The following ITPK1 variants were observed in gnomAD, a reference collection of about 807,000 sequenced individuals.
ITPK1 encodes the protein inositol-tetrakisphosphate 1-kinase, also known as inositol 1,3,4-trisphosphate 5/6-kinase.
ITPK1 carries 21 observed loss-of-function variants against 45.3 expected under a neutral mutation model. That is an observed-to-expected ratio of 0.46 (90% confidence interval 0.33 to 0.67). ITPK1 has a LOEUF of 0.67. Ranked by LOEUF, ITPK1 falls within the 30% of genes least tolerant of loss-of-function variation. The probability of loss-of-function intolerance (pLI) is 0.02; values close to 1 mark genes in which losing one functional copy is unlikely to be tolerated. For synonymous variants in ITPK1, 258 were observed against 253.6 expected (o/e 1.02, Z -0.16); for missense variants, 474 against 573.5 (o/e 0.83, Z 1.77).
intron 3 of ITPK1, chr14:93,068,794 G>A (rs1038640991): frequency 2.0e-5 from 3 of 152,154 alleles, no homozygotes; most frequent in African/African-American, 7.2e-5. Context: ...CATTTTTAAT[G>A]CTGAGATGGA....
At chr14:93,060,682 C>T (rs1046451761) in intron 3 of ITPK1, among the ~76,000 whole-genome samples, 3 of 152,078 alleles carry the variant, frequency 2.0e-5, no homozygotes, top group African/African-American at 7.2e-5. Context: ...GTCTGGTTAG[C>T]ACTGGGGAAG....
intron 5 of ITPK1, among the ~76,000 whole-genome samples, chr14:92,971,804 C>T (rs1027062331): frequency 1.3e-5 from 2 of 152,188 alleles, no homozygotes; most frequent in African/African-American, 4.8e-5. Context: ...TGCAGGGACG[C>T]GGTGAGGCCA....
intron 2 of ITPK1, among the ~76,000 whole-genome samples, chr14:93,087,939 G>A (rs942717870): frequency 6.6e-6 from 1 of 152,216 alleles, no homozygotes; most frequent in African/African-American, 2.4e-5. Context: ...ACTGGGTGCT[G>A]GAGACCAAAG....
intron 2 of ITPK1, among the ~76,000 whole-genome samples, chr14:93,107,956 C>T (rs897870369): frequency 6.6e-6 from 1 of 152,240 alleles, no homozygotes; most frequent in Non-Finnish European, 1.5e-5. Context: ...ACACCGTGGG[C>T]CGCAGCCGGG....
intron 9 of ITPK1, among the ~76,000 whole-genome samples, chr14:92,947,160 C>T: frequency 6.6e-6 from 1 of 152,212 alleles, no homozygotes; most frequent in South Asian, 2.1e-4. Context: ...GCCCTGTGGC[C>T]CAGCAGGCCA....
chr14:92,994,659 GC>G (rs1886960463), intron 4 of ITPK1, among the ~76,000 whole-genome samples: 1 of 152,154 alleles, frequency 6.6e-6, no homozygotes, highest in Admixed American at 6.5e-5. Context: ...ACCCAGGTGG[GC>G]CAGACCAACC....
chr14:93,112,042 C>T (rs1330182824), intron 2 of ITPK1, among the ~76,000 whole-genome samples: 5 of 151,912 alleles, frequency 3.3e-5, no homozygotes, highest in African/African-American at 1.2e-4. Context: ...CGTGCACTAC[C>T]CCCCAAACCC....
At position 92,962,412 on chromosome 14, in the gene ITPK1, G is replaced by T; in HGVS notation, c.464-17C>A. 6.3e-7 allele frequency: 1 copy of T among 1,587,832 alleles called. No homozygotes were observed. Among genetic ancestry groups the T allele is most frequent in the Non-Finnish European group, 8.7e-7 (1 of 1,155,998 alleles). On this transcript the variant is annotated splice_polypyrimidine_tract_variant and intron_variant, in intron 6 of 10. Transcript: ENST00000267615. ...TTTTGCAAACTATGGGTTGGGGAGA[G>T]AAAAGCAGAGAGAAATTAGTGAGGC... is the stretch of plus-strand genomic sequence containing the variant.
In ITPK1 at chr14:92,940,560, C is replaced by T; in HGVS notation, c.*1001G>A. The T allele has an allele frequency of 8.5e-7, 1 of 1,181,480 alleles. No homozygotes were observed. Among genetic ancestry groups the T allele is most frequent in the East Asian group, 6.2e-5 (1 of 16,174 alleles). The allele number at this position is 1,181,480 out of a possible 1,614,324, so 73.2% of individuals were successfully genotyped here. On this transcript the variant is annotated 3_prime_UTR_variant, in exon 11 of 11. Transcript: ENST00000267615. ...CCAGCAGGTGTGAAAAGGAGTGAAC[C>T]CACTGGGAAGAGGGCCCCGATCTCC...
At chr14:93,101,262 A>G (rs894484484) in intron 2 of ITPK1, among the ~76,000 whole-genome samples, 31 of 152,196 alleles carry the variant, frequency 2.0e-4, no homozygotes, top group African/African-American at 7.2e-4. Flanking sequence ...CTGAGCTGCA[A>G]ACCCTTACAC....
chr14:93,015,079 G>C (rs1342922107), intron 4 of ITPK1, among the ~76,000 whole-genome samples: 1 of 152,214 alleles, frequency 6.6e-6, no homozygotes, highest in African/African-American at 2.4e-5. Context: ...ATGGCTCAGG[G>C]GAGAGGAAAG....
intron 5 of ITPK1, among the ~76,000 whole-genome samples, chr14:92,975,060 G>C (rs775367584): frequency 6.6e-6 from 1 of 152,204 alleles, no homozygotes; most frequent in African/African-American, 2.4e-5. Flanking sequence ...ATGCTGTTGC[G>C]AGGGGGCAAG....
At chr14:92,956,760 T>C (rs549099433) in intron 8 of ITPK1, among the ~76,000 whole-genome samples, 1 of 152,344 alleles carries the variant, frequency 6.6e-6, no homozygotes, top group South Asian at 2.1e-4. Context: ...TAAAGCATTA[T>C]TATTTTCTTA....
At chr14:92,987,525 A>G (rs1886550635) in intron 5 of ITPK1, among the ~76,000 whole-genome samples, 1 of 152,166 alleles carries the variant, frequency 6.6e-6, no homozygotes, top group Non-Finnish European at 1.5e-5. Flanking sequence ...CAGGAGCAGA[A>G]CCCACAGAAG....
chr14:93,017,279 C>T (rs569750565), intron 3 of ITPK1, among the ~76,000 whole-genome samples: 75 of 152,346 alleles, frequency 4.9e-4, no homozygotes, highest in Non-Finnish European at 7.9e-4. Context: ...TTCTGCTAAT[C>T]TATAAAAAGC....
At chr14:93,115,514 C>G (rs1369736248) in intron 1 of ITPK1, among the ~76,000 whole-genome samples, 1 of 149,968 alleles carries the variant, frequency 6.7e-6, no homozygotes, top group East Asian at 1.9e-4. Context: ...GAGTCTGAGT[C>G]GGAGCTGGGG....
intron 3 of ITPK1, among the ~76,000 whole-genome samples, chr14:93,051,922 A>T (rs1021558411): frequency 6.6e-6 from 1 of 152,186 alleles, no homozygotes; most frequent in Non-Finnish European, 1.5e-5. Context: ...AAGAATAAGT[A>T]CCTATTTCAA....
At chr14:93,042,945 G>A (rs1294590939) in intron 3 of ITPK1, among the ~76,000 whole-genome samples, 1 of 152,098 alleles carries the variant, frequency 6.6e-6, no homozygotes. Flanking sequence ...TTGAACCCAG[G>A]AGGCGGAGGT....
At chr14:93,015,309 G>A (rs1888120931) in intron 4 of ITPK1, among the ~76,000 whole-genome samples, 1 of 152,198 alleles carries the variant, frequency 6.6e-6, no homozygotes, top group South Asian at 2.1e-4. Context: ...TGCACTGAGG[G>A]CTGTGGGGAT....
Sources: allele counts gnomAD v4.1 joint callset (sites outside exome capture counted in the v4.1 genomes callset), GRCh38; gene constraint gnomAD v4.1.1; transcripts MANE v1.5; gene names NCBI Gene and HGNC (gene_info 2026-07-23, HGNC 2026-07-21).